ZNF407: variants seen among roughly 807,000 people sequenced by gnomAD.
The protein encoded by ZNF407 is zinc finger protein 407.
In ZNF407, 17 loss-of-function variants were observed where a neutral mutation model predicts 131.2. The observed-to-expected ratio is 0.13, with a 90% CI of 0.09 to 0.19. ZNF407 has a LOEUF of 0.19. ZNF407 is among the 10% of genes least tolerant of loss of function. The pLI is 1.00. For missense variants in ZNF407, 2,681 were observed against 2,830.6 expected (o/e 0.95, Z 1.20); for synonymous variants, 1,156 against 1,062.0 (o/e 1.09, Z -1.72).
chr18:74,695,052 T>A (rs1389905439), intron 3 of ZNF407, among the ~76,000 whole-genome samples: 1 of 152,190 alleles, frequency 6.6e-6, no homozygotes, highest in African/African-American at 2.4e-5. Flanking sequence ...CTTCAGCAAC[T>A]CTGATTTCCT....
At chr18:74,999,647 T>C (rs1972822463) in intron 8 of ZNF407, among the ~76,000 whole-genome samples, 2 of 152,224 alleles carry the variant, frequency 1.3e-5, no homozygotes, top group Non-Finnish European at 2.9e-5. Flanking sequence ...TAAAGATTGC[T>C]GATAGTGTAA....
chr18:74,762,912 A>G (rs890355973), intron 3 of ZNF407, among the ~76,000 whole-genome samples: 1 of 152,134 alleles, frequency 6.6e-6, no homozygotes, highest in African/African-American at 2.4e-5. Context: ...GAACATTTGT[A>G]AACAAGTTTT....
chr18:74,688,522 A>C (rs1967147651), intron 3 of ZNF407, among the ~76,000 whole-genome samples: 1 of 152,178 alleles, frequency 6.6e-6, no homozygotes, highest in African/African-American at 2.4e-5. Flanking sequence ...AAGAGCAGAA[A>C]TTCTTAATTT....
At chr18:74,951,219 G>A (rs181639239) in intron 8 of ZNF407, among the ~76,000 whole-genome samples, 54 of 152,196 alleles carry the variant, frequency 3.5e-4, no homozygotes, top group African/African-American at 1.2e-3. Context: ...TTAAATAGAC[G>A]TAAGCAGAAC....
chr18:74,751,964 T>C (rs1175650733), intron 3 of ZNF407, among the ~76,000 whole-genome samples: 1 of 152,216 alleles, frequency 6.6e-6, no homozygotes, highest in Non-Finnish European at 1.5e-5. Context: ...TCCACAATGG[T>C]TGAAGTAGTT....
At chr18:74,992,428 C>T (rs1036349756) in intron 8 of ZNF407, among the ~76,000 whole-genome samples, 10 of 152,026 alleles carry the variant, frequency 6.6e-5, no homozygotes, top group Non-Finnish European at 1.0e-4. Context: ...AATTAGAGAA[C>T]TCGTTGTGGG....
At chr18:74,760,591 T>C (rs796623398) in intron 3 of ZNF407, among the ~76,000 whole-genome samples, 3 of 152,308 alleles carry the variant, frequency 2.0e-5, no homozygotes, top group African/African-American at 7.2e-5. Context: ...CTACTGACAG[T>C]TGCCCTGAGG....
chr18:75,062,252 T>C (rs947435679), intron 8 of ZNF407: 6 of 152,292 alleles, frequency 3.9e-5, no homozygotes, highest in African/African-American at 1.4e-4. Flanking sequence ...TTTACATCTT[T>C]CCCTGAATAT....
At chr18:74,899,705 G>C (rs1427324449) in intron 7 of ZNF407, among the ~76,000 whole-genome samples, 1 of 152,190 alleles carries the variant, frequency 6.6e-6, no homozygotes, top group East Asian at 1.9e-4. Context: ...ACAGGGGAGG[G>C]ACCTCCAGGA....
chr18:74,789,893 A>G (rs1426631146), intron 4 of ZNF407, among the ~76,000 whole-genome samples: 7 of 131,256 alleles, frequency 5.3e-5, no homozygotes, highest in South Asian at 2.3e-4. Context: ...TGTTCTACCT[A>G]TTCTCCAATA....
intron 8 of ZNF407, among the ~76,000 whole-genome samples, chr18:74,950,998 A>G (rs1185027272): frequency 6.6e-6 from 1 of 151,688 alleles, no homozygotes; most frequent in Non-Finnish European, 1.5e-5. Flanking sequence ...TTCAGATGCA[A>G]CTTTTTTTTT....
chr18:74,708,289 G>T, intron 3 of ZNF407, among the ~76,000 whole-genome samples: 1 of 152,140 alleles, frequency 6.6e-6, no homozygotes. Context: ...GGCTTATAAT[G>T]TATCATTATA....
intron 1 of ZNF407, among the ~76,000 whole-genome samples, chr18:74,601,329 CTGTGTG>C (rs60358173): frequency 0.018 from 2,633 of 144,772 alleles, 28 homozygotes; most frequent in African/African-American, 0.038. Flanking sequence ...GTGTGTATGT[CTGTGTG>C]TGTGTGTGTG....
chr18:74,649,582 T>C (rs1910165547), intron 3 of ZNF407, among the ~76,000 whole-genome samples: 1 of 152,138 alleles, frequency 6.6e-6, no homozygotes, highest in Admixed American at 6.6e-5. Context: ...AAAAATAGGG[T>C]TTTAGAACTT....
intron 8 of ZNF407, among the ~76,000 whole-genome samples, chr18:75,060,896 T>A (rs948145738): frequency 7.9e-5 from 12 of 152,238 alleles, no homozygotes; most frequent in African/African-American, 2.9e-4. Flanking sequence ...TTAGTACTTA[T>A]CAGTTAATTA....
chr18:74,911,449 A>G lies in ZNF407; in HGVS notation c.5250-9065A>G, dbSNP rs575059836. 3.3e-5 allele frequency among the ~76,000 whole-genome samples: 5 copies of G among 152,356 alleles called. No individual in the cohort carries two copies. The East Asian group carries it at 9.6e-4, about 29-fold the overall frequency. On this transcript the variant is annotated intron_variant, in intron 7 of 8. Coordinates refer to ENST00000299687, the MANE Select transcript of ZNF407 (RefSeq NM_017757.3). ...GATATATTTAACATTAAGCCAACCC[A>G]TACAGATATGTGGTGTAAGTCTCTG...
chr18:74,617,925 T>G (rs1033219232), intron 1 of ZNF407, among the ~76,000 whole-genome samples: 25 of 152,298 alleles, frequency 1.6e-4, no homozygotes, highest in African/African-American at 6.0e-4. Context: ...CTTTTCTATC[T>G]CCAGCACTCC....
chr18:74,775,000 T>C (rs9953940), intron 3 of ZNF407, among the ~76,000 whole-genome samples: 6 of 152,214 alleles, frequency 3.9e-5, no homozygotes, highest in African/African-American at 1.4e-4. Flanking sequence ...AAGTATTTCA[T>C]GTATTGTCTT....
intron 8 of ZNF407, among the ~76,000 whole-genome samples, chr18:74,952,730 T>G (rs1258904984): frequency 6.6e-6 from 1 of 152,240 alleles, no homozygotes; most frequent in Non-Finnish European, 1.5e-5. Flanking sequence ...GTGTACAGTG[T>G]GATGTGTTTT....
Sources: gnomAD v4.1 joint callset for allele counts (sites outside exome capture counted in the v4.1 genomes callset) on GRCh38, gnomAD v4.1.1 for gene constraint, MANE v1.5 for transcripts, NCBI Gene and HGNC (gene_info 2026-07-23, HGNC 2026-07-21) for gene names.